The following ARAP2 variants were observed in gnomAD, a reference collection of about 807,000 sequenced individuals.
The protein encoded by ARAP2 is arf-GAP with Rho-GAP domain, ANK repeat and PH domain-containing protein 2.
A neutral mutation model predicts 194.5 loss-of-function variants in ARAP2; 148 were observed. That is an observed-to-expected ratio of 0.76 (90% CI 0.67 to 0.87). The LOEUF is 0.87. Among genes scored for constraint, ARAP2 ranks in the 40% least tolerant of loss-of-function variants. The probability of loss-of-function intolerance (pLI) is 0.00; values close to 1 mark genes in which losing one functional copy is unlikely to be tolerated. For synonymous variants in ARAP2, 695 were observed against 683.5 expected (o/e 1.02, Z -0.26); for missense variants, 2,128 against 1,989.7 (o/e 1.07, Z -1.32).
At chr4:36,026,578 C>T (rs1388189194) in intron 5 of ARAP2, among the ~76,000 whole-genome samples, 2 of 152,184 alleles carry the variant, frequency 1.3e-5, no homozygotes, top group South Asian at 2.1e-4. Flanking sequence ...GGACACCACA[C>T]TGGATATCAC....
intron 5 of ARAP2, among the ~76,000 whole-genome samples, chr4:36,212,145 G>A (rs960346111): frequency 7.5e-5 from 3 of 39,798 alleles, no homozygotes; most frequent in African/African-American, 2.3e-4. Flanking sequence ...GCTACTGTGG[G>A]GAAGGGGTGT....
chr4:36,087,804 T>G (rs1712305663), intron 28 of ARAP2, among the ~76,000 whole-genome samples: 1 of 152,134 alleles, frequency 6.6e-6, no homozygotes, highest in Non-Finnish European at 1.5e-5. Context: ...ACTAAGGTAA[T>G]ACAAATGTTA....
At chr4:36,236,725 C>G (rs1560742045) in intron 1 of ARAP2, among the ~76,000 whole-genome samples, 2 of 152,222 alleles carry the variant, frequency 1.3e-5, no homozygotes, top group Non-Finnish European at 2.9e-5. Context: ...TGGATTGGAA[C>G]TATATCCCTT....
At chr4:36,185,080 C>G (rs1293722797) in intron 8 of ARAP2, among the ~76,000 whole-genome samples, 1 of 152,180 alleles carries the variant, frequency 6.6e-6, no homozygotes, top group African/African-American at 2.4e-5. Context: ...CGGCCACAGT[C>G]TGTGCCACAA....
intron 28 of ARAP2, among the ~76,000 whole-genome samples, chr4:36,085,985 A>C (rs1711676918): frequency 6.6e-6 from 1 of 152,078 alleles, no homozygotes; most frequent in African/African-American, 2.4e-5. Context: ...ACTGTCTAGT[A>C]TGAGGTAGCT....
chr4:36,145,774 T>C (rs558377006), intron 19 of ARAP2, among the ~76,000 whole-genome samples: 1 of 152,060 alleles, frequency 6.6e-6, no homozygotes, highest in African/African-American at 2.4e-5. Flanking sequence ...ATTCTCCTAT[T>C]CTAGACCTTT....
intron 6 of ARAP2, among the ~76,000 whole-genome samples, chr4:36,205,378 C>A (rs1578268967): frequency 6.6e-6 from 1 of 152,008 alleles, no homozygotes; most frequent in South Asian, 2.1e-4. Flanking sequence ...AAAGTGGCTG[C>A]CTCTTATGAA....
At chr4:36,192,611 TATAGA>T in intron 7 of ARAP2, among the ~76,000 whole-genome samples, 1 of 152,332 alleles carries the variant, frequency 6.6e-6, no homozygotes, top group Admixed American at 6.5e-5. Context: ...TTCCATCAGC[TATAGA>T]GACTACCTTC....
chr4:36,073,884 T>G (rs749859753), intron 31 of ARAP2, 61 bp from the exon 32 acceptor site: 62 of 1,569,308 alleles, frequency 4.0e-5, no homozygotes, highest in Non-Finnish European at 5.3e-5. Flanking sequence ...TACTATGTCA[T>G]AAAGCCACTT....
At chr4:36,211,166 T>A (rs920989571) in intron 5 of ARAP2, among the ~76,000 whole-genome samples, 1 of 152,114 alleles carries the variant, frequency 6.6e-6, no homozygotes, top group Non-Finnish European at 1.5e-5. Flanking sequence ...TACCCCTCTC[T>A]ACTATCCTCT....
intron 1 of ARAP2, among the ~76,000 whole-genome samples, chr4:36,237,399 G>A (rs1752648823): frequency 1.3e-5 from 2 of 152,174 alleles, no homozygotes; most frequent in Non-Finnish European, 2.9e-5. Context: ...ATTTCATGTG[G>A]AAATGTGACC....
intron 24 of ARAP2, 138 bp downstream of exon 24, chr4:36,119,512 C>T: frequency 2.0e-6 from 1 of 508,340 alleles, no homozygotes; most frequent in East Asian, 3.0e-5. Flanking sequence ...ATTACACAAC[C>T]AATTAGTTTT....
chr4:36,196,187 T>C (rs1743072888), intron 6 of ARAP2, among the ~76,000 whole-genome samples: 1 of 152,224 alleles, frequency 6.6e-6, no homozygotes, highest in African/African-American at 2.4e-5. Flanking sequence ...TTACTTAAGA[T>C]TAACTGCAGC....
In ARAP2 at chr4:36,162,109, A is replaced by G. The variant is rs867699403; in HGVS notation, c.2174-559T>C. ...GGCGACAGAGCGAGACTCCGTCTCA[A>G]AAAAAAAAAAAAAGAACTACACTTA... On this transcript the variant is annotated intron_variant, in intron 11 of 32. Coordinates refer to ENST00000303965, the MANE Select transcript of ARAP2 (RefSeq NM_015230.4). Among the ~76,000 whole-genome samples the G allele has an allele frequency of 2.8e-3, 15 of 5,288 alleles. No homozygotes were observed. The South Asian group carries it at 0.12, about 44-fold the overall frequency. The allele number at this position is 5,288 out of a possible 152,430, so 3.5% of individuals were successfully genotyped here.
At chr4:36,069,578 T>A (rs1410664717) in intron 32 of ARAP2, among the ~76,000 whole-genome samples, 1 of 152,122 alleles carries the variant, frequency 6.6e-6, no homozygotes, top group Non-Finnish European at 1.5e-5. Context: ...ATCTATTACT[T>A]GGGAAAAATT....
At chr4:36,101,383 C>T (rs1353930217) in intron 27 of ARAP2, among the ~76,000 whole-genome samples, 1 of 97,952 alleles carries the variant, frequency 1.0e-5, no homozygotes, top group African/African-American at 3.9e-5. Context: ...GGATTTAATA[C>T]AAAAGTACCA....
intron 5 of ARAP2, among the ~76,000 whole-genome samples, chr4:36,026,321 A>G (rs1172883842): frequency 5.3e-5 from 8 of 152,184 alleles, no homozygotes; most frequent in Non-Finnish European, 1.2e-4. Context: ...AGTTGTATCG[A>G]ATAATCCTTA....
intron 4 of ARAP2, chr4:36,046,562 A>C (rs1333430733): frequency 6.6e-6 from 1 of 152,152 alleles, no homozygotes; most frequent in Non-Finnish European, 1.5e-5. Context: ...TGGATGTTAA[A>C]AAAAGTTCTA....
intron 6 of ARAP2, among the ~76,000 whole-genome samples, chr4:36,199,754 G>C (rs927504169): frequency 3.3e-5 from 5 of 152,148 alleles, no homozygotes; most frequent in Non-Finnish European, 5.9e-5. Context: ...AAATTCTGGA[G>C]ATCTAATATA....
Sources: gnomAD v4.1 joint callset for allele counts (sites outside exome capture counted in the v4.1 genomes callset) on GRCh38, gnomAD v4.1.1 for gene constraint, MANE v1.5 for transcripts, NCBI Gene and HGNC (gene_info 2026-07-23, HGNC 2026-07-21) for gene names.